Variants in SCHIP1 observed in about 807,000 individuals in gnomAD.
SCHIP1 encodes schwannomin interacting protein 1.
In SCHIP1, 8 loss-of-function variants were observed where a neutral mutation model predicts 29.7. The observed-to-expected ratio is 0.27, with a 90% CI of 0.16 to 0.49. SCHIP1 has a LOEUF of 0.49. Among genes scored for constraint, SCHIP1 ranks in the 20% least tolerant of loss-of-function variants. The probability of loss-of-function intolerance (pLI) is 0.99; values close to 1 mark genes in which losing one functional copy is unlikely to be tolerated. For synonymous variants in SCHIP1, 76 were observed against 94.9 expected, an observed-to-expected ratio of 0.80 and a Z score of 1.16; for missense variants, 193 against 294.6, an observed-to-expected ratio of 0.66 and a Z score of 2.52.
chr3:159,796,677 G>A, the SCHIP1 span, among the ~76,000 whole-genome samples: 1 of 152,050 alleles, frequency 6.6e-6, no homozygotes, highest in African/African-American at 2.4e-5. Flanking sequence ...GCAATGCAAA[G>A]AATTGAGAAC....
chr3:159,390,656 T>G, the SCHIP1 span, among the ~76,000 whole-genome samples: 2,399 of 152,246 alleles, frequency 0.016, 50 homozygotes, highest in African/African-American at 0.055. Context: ...ATTCTTAAAT[T>G]TTTTCCCCTT....
the SCHIP1 span, among the ~76,000 whole-genome samples, chr3:159,747,361 T>C: frequency 6.6e-6 from 1 of 152,170 alleles, no homozygotes; most frequent in African/African-American, 2.4e-5. Context: ...ATTTAATGCT[T>C]TATCTAGACA....
the SCHIP1 span, among the ~76,000 whole-genome samples, chr3:159,311,322 A>G: frequency 6.6e-6 from 1 of 152,112 alleles, no homozygotes; most frequent in Non-Finnish European, 1.5e-5. Flanking sequence ...GCCAGTGAAG[A>G]ATATTTTGCA....
chr3:159,823,905 C>T, the SCHIP1 span, among the ~76,000 whole-genome samples: 71 of 152,316 alleles, frequency 4.7e-4, no homozygotes, highest in Non-Finnish European at 8.1e-4. Context: ...ATTCTAAACC[C>T]TAAAAACTAA....
the SCHIP1 span, among the ~76,000 whole-genome samples, chr3:159,500,700 G>A: frequency 3.3e-5 from 5 of 149,698 alleles, no homozygotes; most frequent in African/African-American, 1.0e-4. Context: ...GCGAAAGAGC[G>A]AGACTCTGTC....
At chr3:159,741,785 CA>C in the SCHIP1 span, among the ~76,000 whole-genome samples, 3 of 152,168 alleles carry the variant, frequency 2.0e-5, no homozygotes, top group Non-Finnish European at 4.4e-5. Flanking sequence ...GTGGCAACCC[CA>C]AACAAGGTCT....
chr3:159,704,968 T>C, the SCHIP1 span, among the ~76,000 whole-genome samples: 1 of 151,142 alleles, frequency 6.6e-6, no homozygotes, highest in Non-Finnish European at 1.5e-5. Context: ...TTTACTTTTT[T>C]CTTTTGTTTT....
At chr3:159,569,975 A>T in the SCHIP1 span, among the ~76,000 whole-genome samples, 1 of 152,098 alleles carries the variant, frequency 6.6e-6, no homozygotes. Flanking sequence ...TTCTTTTGAG[A>T]AGTGTCTGTT....
intron 2 of SCHIP1, among the ~76,000 whole-genome samples, chr3:159,876,263 T>C (rs1459595291): frequency 6.6e-6 from 1 of 152,208 alleles, no homozygotes; most frequent in Non-Finnish European, 1.5e-5. Context: ...CCATGCTTTT[T>C]CACTTATCAA....
chr3:159,896,251 C>A (rs1024619733), intron 6 of SCHIP1, among the ~76,000 whole-genome samples: 2 of 152,192 alleles, frequency 1.3e-5, no homozygotes, highest in Admixed American at 6.5e-5. Flanking sequence ...TTACTCTTAT[C>A]ATAATACCAT....
the SCHIP1 span, among the ~76,000 whole-genome samples, chr3:159,747,039 T>C: frequency 6.6e-6 from 1 of 152,194 alleles, no homozygotes. Flanking sequence ...ACTTTTTGTT[T>C]CCTTTATGGG....
chr3:159,671,028 G>A, the SCHIP1 span, among the ~76,000 whole-genome samples: 3 of 152,124 alleles, frequency 2.0e-5, no homozygotes, highest in Admixed American at 1.3e-4. Flanking sequence ...ACTCTTCTGA[G>A]CACAGAGCCC....
At chr3:159,342,581 A>G in the SCHIP1 span, among the ~76,000 whole-genome samples, 1 of 152,210 alleles carries the variant, frequency 6.6e-6, no homozygotes, top group Non-Finnish European at 1.5e-5. Flanking sequence ...CATTTAATGC[A>G]ACCAGATTTT....
intron 6 of SCHIP1, among the ~76,000 whole-genome samples, chr3:159,896,239 A>G (rs1718051791): frequency 6.6e-6 from 1 of 152,200 alleles, no homozygotes; most frequent in Non-Finnish European, 1.5e-5. Context: ...GTAGTCACTC[A>G]GTTACTCTTA....
the SCHIP1 span, among the ~76,000 whole-genome samples, chr3:159,571,377 A>G: frequency 6.6e-6 from 1 of 152,172 alleles, no homozygotes; most frequent in Non-Finnish European, 1.5e-5. Flanking sequence ...TTCTGCATCT[A>G]TTGAGATAAT....
the SCHIP1 span, among the ~76,000 whole-genome samples, chr3:159,589,642 G>A: frequency 2.0e-5 from 3 of 152,156 alleles, no homozygotes; most frequent in African/African-American, 7.2e-5. Flanking sequence ...CTTTACACAT[G>A]TGTACTAAGC....
chr3:159,602,754 G>A, the SCHIP1 span, among the ~76,000 whole-genome samples: 31 of 151,840 alleles, frequency 2.0e-4, no homozygotes, highest in Middle Eastern at 0.017. Flanking sequence ...TCAGCCCAAG[G>A]TTTGGATTTT....
the SCHIP1 span, among the ~76,000 whole-genome samples, chr3:159,571,696 G>A: frequency 6.6e-6 from 1 of 152,186 alleles, no homozygotes; most frequent in Non-Finnish European, 1.5e-5. Context: ...GTTTCAGAAG[G>A]AATGGTACTA....
chr3:159,495,590 G>A, the SCHIP1 span, among the ~76,000 whole-genome samples: 233 of 152,218 alleles, frequency 1.5e-3, 1 homozygote, highest in Middle Eastern at 6.8e-3. Flanking sequence ...ACAAACCACT[G>A]CTCAATGAAA....
Sources: allele counts gnomAD v4.1 joint callset (sites outside exome capture counted in the v4.1 genomes callset), GRCh38; gene constraint gnomAD v4.1.1; transcripts MANE v1.5; gene names NCBI Gene and HGNC (gene_info 2026-07-23, HGNC 2026-07-21).